SMARCC2: variants seen among roughly 807,000 people sequenced by gnomAD.
The protein encoded by SMARCC2 is SWI/SNF complex subunit SMARCC2.
SMARCC2 carries 15 observed loss-of-function variants against 151.3 expected under a neutral mutation model. The ratio of observed to expected loss-of-function variants is 0.10; its 90% CI spans 0.07 to 0.15. The LOEUF (loss-of-function observed/expected upper bound fraction) is 0.15. Among genes scored for constraint, SMARCC2 ranks in the 10% least tolerant of loss-of-function variants. The probability of loss-of-function intolerance (pLI) is 1.00; values close to 1 mark genes in which losing one functional copy is unlikely to be tolerated. For synonymous variants in SMARCC2, 590 were observed against 609.5 expected (o/e 0.97, Z 0.47); for missense variants, 1,031 against 1,599.7 (o/e 0.64, Z 6.06).
Position 56,177,219 on chromosome 12 carries a change from C to G in SMARCC2, c.1382+803G>C, listed in dbSNP as rs568271058. The stretch of plus-strand genomic sequence containing the variant: ...TCGGCCTCCCAAAGTGCTGGGATTA[C>G]AGGCGTGAGCCACCACACCCAGCCT... On this transcript the variant is annotated intron_variant, in intron 15 of 28. Coordinates refer to ENST00000550164, the MANE Select transcript of SMARCC2 (RefSeq NM_001330288.2). Among the ~76,000 whole-genome samples the G allele has an allele frequency of 2.3e-4, 35 of 152,336 alleles. No homozygotes were observed. The South Asian group carries it at 6.6e-3, about 29-fold the overall frequency.
chr12:56,165,581 T>G lies in SMARCC2; in HGVS notation c.2969A>C (p.Gln990Pro), dbSNP rs774339594. 10 of 1,613,626 alleles carry G rather than the reference T, an allele frequency of 6.2e-6. No individual in the cohort carries two copies. The highest frequency in any genetic ancestry group is 3.3e-5 in the Admixed American group (2 of 60,006). Reference sequence around the variant, plus strand: ...TGGGGGCAGGGCTGGTGGTGGCTGCTGCTGCTGTTGGTGCATCTGTTGGAA... The same window carrying G: ...TGGGGGCAGGGCTGGTGGTGGCTGCGGCTGCTGTTGGTGCATCTGTTGGAA... ...QHFQQMHQQQ[Q>P]QPPPALPPGS... is the part of the protein sequence containing the mutation. Residue 990 changes from glutamine to proline, a missense_variant, in exon 27 of 29, where the codon CAG becomes CCG. Coordinates refer to ENST00000550164, the MANE Select transcript of SMARCC2 (RefSeq NM_001330288.2).
intron 26 of SMARCC2, among the ~76,000 whole-genome samples, chr12:56,167,336 G>T (rs926489988): frequency 2.6e-5 from 4 of 152,086 alleles, no homozygotes; most frequent in African/African-American, 9.7e-5. Context: ...CAACAAGAGC[G>T]AAACTCTGTC....
Position 56,168,745 on chromosome 12 carries a change from A to G in SMARCC2, c.2716-551T>C, listed in dbSNP as rs184234984. On this transcript the variant is annotated intron_variant, in intron 25 of 28. Transcript: ENST00000550164. ...TGTAATCCCAGCGCTTTGGGAGGCT[A>G]AGGCGAGCAGATCACTTGAGTCCAG... 6.1e-3 allele frequency among the ~76,000 whole-genome samples: 935 copies of G among 152,110 alleles called. 21 individuals carry two copies. The highest frequency in any genetic ancestry group is 0.022 in the African/African-American group (901 of 41,522).
At chr12:56,170,022 C>A in intron 23 of SMARCC2, 111 bp from the exon 24 acceptor site, 1 of 1,438,836 alleles carries the variant, frequency 7.0e-7, no homozygotes. Flanking sequence ...TGGAGGTGAT[C>A]TGATTCTAGG....
chr12:56,165,304 A>G lies in SMARCC2; in HGVS notation c.3232+14T>C. 1 of 1,479,580 alleles carries G rather than the reference A, an allele frequency of 6.8e-7. No individual in the cohort carries two copies. The highest frequency in any genetic ancestry group is 8.9e-7 in the Non-Finnish European group (1 of 1,119,992). The allele number at this position is 1,479,580 out of a possible 1,614,324, so 91.7% of individuals were successfully genotyped here. On this transcript the variant is annotated intron_variant, in intron 27 of 28. Transcript: ENST00000550164. Reference sequence around the variant, plus strand: ...TTCCTCTAGCCAACAAAAGTTCTGGAACATAACACTTACCATGGGGTCCAG... The same window carrying G: ...TTCCTCTAGCCAACAAAAGTTCTGGGACATAACACTTACCATGGGGTCCAG...
chr12:56,183,853 A>G lies in SMARCC2; in HGVS notation c.632+8T>C, dbSNP rs1204004113. Reference sequence around the variant, plus strand: ...ATACTTAAACCTGCCCCAGGAACCCATCCTCACCTGTCAGGATAGTAGCCC... The same window carrying G: ...ATACTTAAACCTGCCCCAGGAACCCGTCCTCACCTGTCAGGATAGTAGCCC... On this transcript the variant is annotated splice_region_variant and intron_variant, in intron 7 of 28. Transcript: ENST00000550164. The G allele has an allele frequency of 6.2e-7, 1 of 1,610,804 alleles. No individual in the cohort carries two copies. Among genetic ancestry groups the G allele is most frequent in the African/African-American group, 1.3e-5 (1 of 74,860 alleles).
chr12:56,186,773 C>T (rs1054241361), intron 2 of SMARCC2: 6 of 178,934 alleles, frequency 3.4e-5, no homozygotes, highest in South Asian at 1.1e-4. Context: ...ACCTCAGGTA[C>T]CATTAAGGAA....
intron 7 of SMARCC2, chr12:56,183,590 T>C (rs1876674667): frequency 2.9e-6 from 1 of 349,218 alleles, no homozygotes; most frequent in Admixed American, 4.4e-5. Flanking sequence ...ATTTTCCTAC[T>C]GTTAGACATT....
At chr12:56,180,875 G>A (rs1374462721) in intron 11 of SMARCC2, 102 bp downstream of exon 11, 1 of 1,218,382 alleles carries the variant, frequency 8.2e-7, no homozygotes, top group African/African-American at 1.5e-5. Flanking sequence ...AGATCCTGTA[G>A]ACTGGGAGGT....
intron 2 of SMARCC2, chr12:56,186,593 G>A (rs951129207): frequency 1.8e-4 from 44 of 238,564 alleles, no homozygotes; most frequent in Admixed American, 2.7e-4. Context: ...CAGGTGATCT[G>A]CCCGCCTCGG....
In SMARCC2 at chr12:56,176,710, G is replaced by A. The variant is rs187833208; in HGVS notation, c.1382+1312C>T. On this transcript the variant is annotated intron_variant, in intron 15 of 28. Transcript: ENST00000550164. ...GGCTGGAGTGCAGTGGCGTGATCTC[G>A]GCTCACTGCAACCTCTGCCTCTCAG... 1.5e-3 allele frequency among the ~76,000 whole-genome samples: 235 copies of A among 151,688 alleles called. 1 individual carries two copies. Among genetic ancestry groups the A allele is most frequent in the Middle Eastern group, 6.9e-3 (2 of 290 alleles).
At chr12:56,185,182 TTTTG>T (rs1820605426) in intron 3 of SMARCC2, 71 bp from the exon 4 acceptor site, 4 of 1,267,218 alleles carry the variant, frequency 3.2e-6, no homozygotes. Flanking sequence ...CACGTGACTT[TTTTG>T]TTTGTTTTTT....
chr12:56,185,518 GC>G (rs1193429053), intron 3 of SMARCC2: 1 of 175,502 alleles, frequency 5.7e-6, no homozygotes, highest in East Asian at 1.6e-4. Flanking sequence ...CCGCTCTGTT[GC>G]CCAGGCTGGA....
In SMARCC2 at chr12:56,189,345, G is replaced by C. The variant is rs757855057; in HGVS notation, c.111+6C>G. 1.7e-5 allele frequency: 25 copies of C among 1,490,858 alleles called. No homozygotes were observed. In the Admixed American group the frequency reaches 2.8e-4, roughly 17 times the overall value. 92.4% of individuals were successfully genotyped at this position (1,490,858 alleles called of 1,614,324 possible). ...GTCCCCGCGCGGCCCGGCCCGGCCC[G>C]CGTACCTTCTTGTAGTTCTTGCCGA... On this transcript the variant is annotated splice_donor_region_variant and intron_variant, in intron 1 of 28. Coordinates refer to ENST00000550164, the MANE Select transcript of SMARCC2 (RefSeq NM_001330288.2).
intron 22 of SMARCC2, 117 bp from the exon 23 acceptor site, chr12:56,170,325 A>T: frequency 1.2e-6 from 1 of 863,920 alleles, no homozygotes; most frequent in Non-Finnish European, 1.9e-6. Context: ...GTTGGTCTCA[A>T]ACTCCTGGGC....
At chr12:56,186,365 T>A in intron 2 of SMARCC2, 125 bp from the exon 3 acceptor site, 3 of 672,810 alleles carry the variant, frequency 4.5e-6, no homozygotes, top group Non-Finnish European at 7.7e-6. Flanking sequence ...TTTTTTTTTT[T>A]TTGAGATGGA....
chr12:56,183,832 T>G (rs1380839493), intron 7 of SMARCC2, 29 bp downstream of exon 7: 2 of 1,577,394 alleles, frequency 1.3e-6, no homozygotes, highest in East Asian at 4.5e-5. Flanking sequence ...GCTCTTATAC[T>G]TAAACCTGCC....
rs56809897 is a variant in SMARCC2 at position 56,167,951 on chromosome 12, AACACACACACACACACACACACACACAC to A, written c.2850+81_2850+108del. The A allele has an allele frequency of 1.8e-3, 1,219 of 689,546 alleles. 4 individuals are homozygous for A. The highest frequency in any genetic ancestry group is 4.2e-3 in the Middle Eastern group (9 of 2,124). 42.7% of individuals were successfully genotyped at this position (689,546 alleles called of 1,614,324 possible). On this transcript the variant is annotated intron_variant, in intron 26 of 28. Transcript: ENST00000550164. ...CTGTTGCTTATCTCTCTTTCACTGA[AACACACACACACACACACACACACACAC>A]ACACACACACACACACACACGCCCC...
intron 26 of SMARCC2, among the ~76,000 whole-genome samples, chr12:56,167,336 G>A (rs926489988): frequency 2.6e-5 from 4 of 152,086 alleles, no homozygotes; most frequent in Non-Finnish European, 4.4e-5. Flanking sequence ...CAACAAGAGC[G>A]AAACTCTGTC....
Sources: gnomAD v4.1 joint callset for allele counts (sites outside exome capture counted in the v4.1 genomes callset) on GRCh38, gnomAD v4.1.1 for gene constraint, MANE v1.5 for transcripts, NCBI Gene and HGNC (gene_info 2026-07-23, HGNC 2026-07-21) for gene names.